Variants in WNT3 observed in about 807,000 individuals in gnomAD.
WNT3 encodes the protein proto-oncogene Wnt-3.
Under a neutral mutation model 34.2 loss-of-function variants are expected in WNT3, and 7 were observed. The ratio of observed to expected loss-of-function variants is 0.20; its 90% CI spans 0.12 to 0.38. WNT3 has a LOEUF of 0.38. WNT3 is among the 10% of genes least tolerant of loss of function. WNT3 has a pLI of 1.00. For missense variants in WNT3, 267 were observed against 499.8 expected, an observed-to-expected ratio of 0.53 and a Z score of 4.44; for synonymous variants, 212 against 211.5, an observed-to-expected ratio of 1.00 and a Z score of -0.02.
At chr17:46,788,174 C>T (rs544340828) in intron 1 of WNT3, among the ~76,000 whole-genome samples, 1 of 152,300 alleles carries the variant, frequency 6.6e-6, no homozygotes, top group Admixed American at 6.5e-5. Flanking sequence ...CCAGCTTTTC[C>T]TCCTGGAGCT....
At position 46,768,778 on chromosome 17, in the gene WNT3, G is replaced by A. The variant is rs1166453534; in HGVS notation, c.610C>T (p.Leu204Phe). ...GACAGCCCGTGGCACTTGCATTTGA[G>A]GTGCATGTGGTCCAGGATAGTCTGG... ...GRTTILDHMH[L>F]KCKCHGLSGS... The change falls in exon 4 of 5, where the codon CTC becomes TTC. Residue 204 changes from leucine (L) to phenylalanine (F), a missense_variant. By Grantham distance (22) the Leu-to-Phe change is conservative. Transcript: ENST00000225512. This position sits in a 1 kb window ranked among gnomAD's most constrained non-coding sequence, Gnocchi z 5.0. The A allele has an allele frequency of 6.2e-7, 1 of 1,613,798 alleles. No individual in the cohort carries two copies. The highest frequency in any genetic ancestry group is 1.3e-5 in the African/African-American group (1 of 74,946).
chr17:46,778,123 G>A (rs576100852), intron 1 of WNT3, among the ~76,000 whole-genome samples: 1 of 152,342 alleles, frequency 6.6e-6, no homozygotes, highest in East Asian at 1.9e-4. Context: ...TGGTTACGGT[G>A]TGTGTGGAGC....
At position 46,763,830 on chromosome 17, in the gene WNT3, CCAAAAAAAAAAAAAAA is replaced by C. The variant is rs1282356227; in HGVS notation, c.*784_*799del. ...AGCCTATTTACAAGGTCCACTACCA[CCAAAAAAAAAAAAAAA>C]CAAAAAAACAAAAAAAAAACTGCAT... On this transcript the variant is annotated 3_prime_UTR_variant, in exon 5 of 5. Transcript: ENST00000225512. The C allele has an allele frequency of 6.9e-5, 1 of 14,424 alleles. No homozygotes were observed. The highest frequency in any genetic ancestry group is 1.6e-4 in the Non-Finnish European group (1 of 6,420). 0.9% of individuals were successfully genotyped at this position (14,424 alleles called of 1,614,324 possible).
At chr17:46,807,855 C>T (rs1249530234) in intron 1 of WNT3, among the ~76,000 whole-genome samples, 1 of 152,126 alleles carries the variant, frequency 6.6e-6, no homozygotes, top group Non-Finnish European at 1.5e-5. Context: ...TTTCTCATAG[C>T]CAGGACATAA....
chr17:46,811,507 G>A (rs993529377), intron 1 of WNT3, among the ~76,000 whole-genome samples: 9 of 152,128 alleles, frequency 5.9e-5, no homozygotes, highest in Non-Finnish European at 1.3e-4. Flanking sequence ...CTGAAGAACC[G>A]GGTTTCAGCC....
chr17:46,803,799 TG>T (rs2084157599), intron 1 of WNT3, among the ~76,000 whole-genome samples: 1 of 152,182 alleles, frequency 6.6e-6, no homozygotes, highest in Non-Finnish European at 1.5e-5. Flanking sequence ...CCTGGCAGAA[TG>T]GGCCCCAGGC....
intron 1 of WNT3, among the ~76,000 whole-genome samples, chr17:46,811,836 A>G (rs971419348): frequency 1.3e-5 from 2 of 152,176 alleles, no homozygotes; most frequent in Admixed American, 6.5e-5. Context: ...GCGCACCTGT[A>G]ATCCCAGCTA....
At chr17:46,811,599 C>G (rs1168667450) in intron 1 of WNT3, among the ~76,000 whole-genome samples, 1 of 152,080 alleles carries the variant, frequency 6.6e-6, no homozygotes, top group Non-Finnish European at 1.5e-5. Context: ...GCAGGCAGGC[C>G]CTCCCAGGCA....
At chr17:46,765,500 T>G (rs2059304413) in intron 4 of WNT3, among the ~76,000 whole-genome samples, 1 of 152,238 alleles carries the variant, frequency 6.6e-6, no homozygotes, top group Admixed American at 6.5e-5. Flanking sequence ...AGGCGCTCTC[T>G]CCTCACCGTG....
intron 1 of WNT3, among the ~76,000 whole-genome samples, chr17:46,817,040 A>G (rs2084360582): frequency 6.6e-6 from 1 of 152,214 alleles, no homozygotes; most frequent in African/African-American, 2.4e-5. Flanking sequence ...TGGGTTGGGC[A>G]GAAGAAAGAC....
chr17:46,814,434 A>G (rs1433528978), intron 1 of WNT3, among the ~76,000 whole-genome samples: 1 of 152,180 alleles, frequency 6.6e-6, no homozygotes, highest in African/African-American at 2.4e-5. Context: ...AGCCCCACCC[A>G]TAATGGGGGC....
At chr17:46,779,353 T>C (rs1213895526) in intron 1 of WNT3, among the ~76,000 whole-genome samples, 1 of 152,098 alleles carries the variant, frequency 6.6e-6, no homozygotes, top group East Asian at 1.9e-4. Flanking sequence ...CACTGACAGC[T>C]GGTGAGGGGG....
At position 46,770,055 on chromosome 17, in the gene WNT3, G is replaced by A. The variant is rs1374621682; in HGVS notation, c.323-7C>T. ...AAGGCCGACTCGCGGGTGGCTGCGGGGAGGTCGTGGGGAGGCAGCACTCAG... is the reference window on the plus strand; with the variant it reads ...AAGGCCGACTCGCGGGTGGCTGCGGAGAGGTCGTGGGGAGGCAGCACTCAG... On this transcript the variant is annotated splice_region_variant and splice_polypyrimidine_tract_variant and intron_variant, in intron 2 of 4. Coordinates refer to ENST00000225512, the MANE Select transcript of WNT3 (RefSeq NM_030753.5). 17 of 1,538,188 alleles carry A rather than the reference G, an allele frequency of 1.1e-5. No homozygotes were observed. Among genetic ancestry groups the A allele is most frequent in the African/African-American group, 1.4e-5 (1 of 73,224 alleles).
chr17:46,799,974 T>G (rs757932174), intron 1 of WNT3, among the ~76,000 whole-genome samples: 1 of 152,198 alleles, frequency 6.6e-6, no homozygotes, highest in Non-Finnish European at 1.5e-5. Flanking sequence ...CAAGGTTAGA[T>G]GCCCAGAGCC....
intron 1 of WNT3, among the ~76,000 whole-genome samples, chr17:46,792,847 A>T (rs970501894): frequency 1.3e-5 from 2 of 152,216 alleles, no homozygotes; most frequent in Non-Finnish European, 2.9e-5. Flanking sequence ...AAAGCACTTT[A>T]CATAGAATAC....
chr17:46,806,472 G>GT (rs1253411376), intron 1 of WNT3, among the ~76,000 whole-genome samples: 2 of 152,170 alleles, frequency 1.3e-5, no homozygotes, highest in African/African-American at 4.8e-5. Context: ...GTCCCCCAAA[G>GT]TGCCGGGGTT....
chr17:46,805,253 T>C (rs996599098), intron 1 of WNT3, among the ~76,000 whole-genome samples: 2 of 150,576 alleles, frequency 1.3e-5, no homozygotes, highest in Non-Finnish European at 3.0e-5. Flanking sequence ...GCAAGAGTAA[T>C]GTAGGGAGAT....
At chr17:46,792,095 T>C (rs1015825855) in intron 1 of WNT3, among the ~76,000 whole-genome samples, 20 of 152,142 alleles carry the variant, frequency 1.3e-4, no homozygotes, top group African/African-American at 4.8e-4. Flanking sequence ...ATAGCGAACA[T>C]TTAAAGTCAA....
At chr17:46,769,708 T>C in intron 3 of WNT3, 75 bp downstream of exon 3, 1 of 1,580,304 alleles carries the variant, frequency 6.3e-7, no homozygotes, top group South Asian at 1.1e-5. Context: ...AGGGGTGAGG[T>C]GGGGGCCAGG....
Sources: allele counts gnomAD v4.1 joint callset (sites outside exome capture counted in the v4.1 genomes callset), GRCh38; gene constraint gnomAD v4.1.1; non-coding constraint Gnocchi (gnomAD v3.1); transcripts MANE v1.5; gene names NCBI Gene and HGNC (gene_info 2026-07-23, HGNC 2026-07-21).